CFAP70: variants seen among roughly 807,000 people sequenced by gnomAD.
The protein encoded by CFAP70 is cilia- and flagella-associated protein 70.
In CFAP70, 81 loss-of-function variants were observed where a neutral mutation model predicts 137.6. The ratio of observed to expected loss-of-function variants is 0.59; its 90% CI spans 0.49 to 0.71. The LOEUF is 0.71. CFAP70 is among the 30% of genes least tolerant of loss of function. CFAP70 has a pLI of 0.00. For missense variants in CFAP70, 976 were observed against 1,226.7 expected (o/e 0.80, Z 3.05); for synonymous variants, 382 against 423.6 (o/e 0.90, Z 1.20).
intron 8 of CFAP70, among the ~76,000 whole-genome samples, chr10:73,327,147 G>C (rs1180461440): frequency 2.7e-5 from 4 of 148,372 alleles, no homozygotes. Flanking sequence ...CCATGATCAA[G>C]TGGGCTTCAT....
chr10:73,318,261 A>G (rs1253161966), intron 9 of CFAP70, among the ~76,000 whole-genome samples: 1 of 152,182 alleles, frequency 6.6e-6, no homozygotes, highest in Non-Finnish European at 1.5e-5. Context: ...CCATTTGTCC[A>G]GCTTTATGGT....
chr10:73,302,299 G>C (rs1252931275), intron 12 of CFAP70, among the ~76,000 whole-genome samples: 2 of 152,128 alleles, frequency 1.3e-5, no homozygotes, highest in African/African-American at 2.4e-5. Flanking sequence ...AGGGAGGGAG[G>C]AGTAAAGCCA....
At chr10:73,307,310 AT>A (rs1017347178) in intron 12 of CFAP70, among the ~76,000 whole-genome samples, 2 of 152,244 alleles carry the variant, frequency 1.3e-5, no homozygotes, top group Admixed American at 6.5e-5. Context: ...ACAAAAAAAA[AT>A]AAGACATGAA....
chr10:73,308,800 C>A (rs1268979427), intron 12 of CFAP70, among the ~76,000 whole-genome samples: 9 of 98,574 alleles, frequency 9.1e-5, no homozygotes, highest in African/African-American at 1.8e-4. Context: ...GAAGAAATCA[C>A]AAGAGAAATG....
Position 73,291,864 on chromosome 10 carries a change from C to G in CFAP70, c.1904+17G>C. ...CTGTTCCTTCCCACTGATTCCTCAT[C>G]TCCCTTCCACCTATACCTGTGGATA... On this transcript the variant is annotated intron_variant, in intron 17 of 26. Transcript: ENST00000310715. 3 of 1,613,950 alleles carry G rather than the reference C, an allele frequency of 1.9e-6. No homozygotes were observed. The highest frequency in any genetic ancestry group is 2.5e-6 in the Non-Finnish European group (3 of 1,179,864).
chr10:73,254,246 T>C (rs2044244685), intron 26 of CFAP70, 191 bp from the exon 28 acceptor site: 2 of 394,058 alleles, frequency 5.1e-6, no homozygotes, highest in Non-Finnish European at 9.0e-6. Context: ...GTTACATGGA[T>C]ATGTTTACTT....
intron 12 of CFAP70, among the ~76,000 whole-genome samples, chr10:73,300,634 G>A (rs1335989869): frequency 2.6e-5 from 4 of 152,226 alleles, no homozygotes; most frequent in Admixed American, 6.5e-5. Flanking sequence ...AGGCCGAGGC[G>A]GGTGGATTGC....
chr10:73,268,041 T>C (rs1013712268), intron 25 of CFAP70, among the ~76,000 whole-genome samples: 1 of 152,238 alleles, frequency 6.6e-6, no homozygotes, highest in African/African-American at 2.4e-5. Flanking sequence ...TTAGAAGACT[T>C]ACCTGACTGG....
chr10:73,321,786 T>TTA (rs1309001889), intron 9 of CFAP70, among the ~76,000 whole-genome samples: 6 of 152,080 alleles, frequency 3.9e-5, no homozygotes, highest in African/African-American at 1.2e-4. Context: ...TTTCTTTTTC[T>TTA]TATATATATA....
Position 73,275,825 on chromosome 10 carries a change from T to C in CFAP70, c.2521-227A>G, listed in dbSNP as rs1222292288. The C allele has an allele frequency of 5.1e-6, 2 of 393,956 alleles. No homozygotes were observed. Among genetic ancestry groups the C allele is most frequent in the East Asian group, 9.2e-5 (2 of 21,652 alleles). 24.4% of individuals were successfully genotyped at this position (393,956 alleles called of 1,614,324 possible). A position where few individuals can be genotyped will look rare whatever the true frequency, so the allele number is the denominator to read the frequency against. On this transcript the variant is annotated intron_variant, in intron 21 of 26. Transcript: ENST00000310715. The surrounding 1 kb of genome is among the most constrained non-coding windows in gnomAD (Gnocchi z 4.0). ...ATGAAGACATTACCAAGTGAATAACTTGCAATATTGTACAATTCTGGTCTT... is the reference window on the plus strand; with the variant it reads ...ATGAAGACATTACCAAGTGAATAACCTGCAATATTGTACAATTCTGGTCTT...
At chr10:73,330,043 A>C (rs2051916646) in intron 8 of CFAP70, among the ~76,000 whole-genome samples, 1 of 152,214 alleles carries the variant, frequency 6.6e-6, no homozygotes, top group African/African-American at 2.4e-5. Context: ...TTGCCACAGA[A>C]AATTTTTATA....
rs1017624279 is a variant in CFAP70, at chr10:73,328,543, T to C, written c.777+2634A>G. Among the ~76,000 whole-genome samples the C allele has an allele frequency of 3.3e-4, 48 of 146,922 alleles. 1 individual carries two copies. The highest frequency in any genetic ancestry group is 1.2e-3 in the Admixed American group (18 of 14,816). On this transcript the variant is annotated intron_variant, in intron 8 of 26. Coordinates refer to ENST00000310715, the Ensembl canonical transcript of CFAP70. ...ACAGCAAAAGAAACTACCATCAGAG[T>C]GAACAGGCAACCTACAAAATGGGAG...
chr10:73,358,331 C>T (rs2054824783), intron 1 of CFAP70, among the ~76,000 whole-genome samples: 1 of 152,212 alleles, frequency 6.6e-6, no homozygotes, highest in Admixed American at 6.5e-5. Context: ...ACTCTTGTTG[C>T]CCCCGGCAAG....
chr10:73,316,487 G>GATATATATAT (rs551707557), intron 9 of CFAP70, among the ~76,000 whole-genome samples: 59 of 100,930 alleles, frequency 5.8e-4, no homozygotes, highest in African/African-American at 1.9e-3. Flanking sequence ...TATAGATATA[G>GATATATATAT]ATATATATAT....
chr10:73,333,116 C>A (rs1412843329), intron 7 of CFAP70, among the ~76,000 whole-genome samples: 1 of 151,964 alleles, frequency 6.6e-6, no homozygotes, highest in African/African-American at 2.4e-5. Context: ...AAAACACAAA[C>A]AAAAATGAAT....
At chr10:73,326,125 A>G (rs1405829436) in intron 8 of CFAP70, among the ~76,000 whole-genome samples, 1 of 152,198 alleles carries the variant, frequency 6.6e-6, no homozygotes, top group Non-Finnish European at 1.5e-5. Context: ...AACAGAAATT[A>G]TAACAACCGT....
intron 8 of CFAP70, 52 bp downstream of exon 9, chr10:73,331,125 C>G (rs969460008): frequency 1.3e-5 from 17 of 1,266,108 alleles, no homozygotes; most frequent in Middle Eastern, 3.8e-4. Flanking sequence ...AATAACAGGT[C>G]GGGTCTGATT....
exon 18 of CFAP70, chr10:73,291,746 C>T (rs1276156502): frequency 1.9e-6 from 3 of 1,614,146 alleles, no homozygotes; most frequent in South Asian, 1.1e-5. Flanking sequence ...GGACACCACA[C>T]AGCAACAAGC....
chr10:73,339,125 G>T (rs2052994789), intron 6 of CFAP70, among the ~76,000 whole-genome samples: 1 of 151,594 alleles, frequency 6.6e-6, no homozygotes, highest in Admixed American at 6.6e-5. Context: ...CATCATGTTG[G>T]CCAGGCTAAT....
Sources: allele counts gnomAD v4.1 joint callset (sites outside exome capture counted in the v4.1 genomes callset), GRCh38; gene constraint gnomAD v4.1.1; non-coding constraint Gnocchi (gnomAD v3.1); transcripts MANE v1.5; gene names NCBI Gene and HGNC (gene_info 2026-07-23, HGNC 2026-07-21).